CIMIP2C: variants seen among roughly 807,000 people sequenced by gnomAD.
The protein encoded by CIMIP2C is UPF0573 protein C2orf70.
At chr2:26,572,831 G>A in the CIMIP2C span, among the ~76,000 whole-genome samples, 1 of 151,964 alleles carries the variant, frequency 6.6e-6, no homozygotes, top group Non-Finnish European at 1.5e-5. Flanking sequence ...GGAGAGGTGG[G>A]CCACAGGCTG....
chr2:26,579,372 A>C, the CIMIP2C span: 177 of 1,613,736 alleles, frequency 1.1e-4, no homozygotes, highest in Non-Finnish European at 1.4e-4. Flanking sequence ...AGACCTTCCC[A>C]TCAGGGAAGA....
chr2:26,574,837 T>C, the CIMIP2C span, among the ~76,000 whole-genome samples: 8 of 152,298 alleles, frequency 5.3e-5, no homozygotes, highest in African/African-American at 1.9e-4. Context: ...AGACAGAGCA[T>C]GTCCACCGAC....
At chr2:26,579,152 G>A in the CIMIP2C span, 1 of 881,348 alleles carries the variant, frequency 1.1e-6, no homozygotes, top group East Asian at 2.5e-5. Flanking sequence ...CCCAAGTCCA[G>A]GGGGACTTAT....
chr2:26,572,150 TAGTA>T, the CIMIP2C span: 3 of 1,543,440 alleles, frequency 1.9e-6, no homozygotes, highest in Middle Eastern at 1.7e-4. Flanking sequence ...AAGAGATTCT[TAGTA>T]AGTGCACCCC....
the CIMIP2C span, chr2:26,575,754 G>A: frequency 1.1e-4 from 101 of 881,112 alleles, no homozygotes; most frequent in Non-Finnish European, 7.6e-5. Context: ...GAACTCCTGG[G>A]CTCAGGTGTT....
At chr2:26,574,699 G>A in the CIMIP2C span, among the ~76,000 whole-genome samples, 1 of 152,224 alleles carries the variant, frequency 6.6e-6, no homozygotes, top group Non-Finnish European at 1.5e-5. Flanking sequence ...AGAGGAGAAG[G>A]CTCATGAAGG....
chr2:26,570,345 G>A, the CIMIP2C span, among the ~76,000 whole-genome samples: 5 of 152,218 alleles, frequency 3.3e-5, no homozygotes, highest in South Asian at 4.1e-4. Flanking sequence ...TCAGAGCCAC[G>A]CTCCTCTTAA....
chr2:26,574,520 G>C, the CIMIP2C span, among the ~76,000 whole-genome samples: 3 of 152,208 alleles, frequency 2.0e-5, no homozygotes, highest in Admixed American at 6.5e-5. Context: ...AGACATCCAA[G>C]GGATATGTCT....
chr2:26,568,936 G>A, the CIMIP2C span, among the ~76,000 whole-genome samples: 37 of 151,422 alleles, frequency 2.4e-4, no homozygotes, highest in African/African-American at 7.8e-4. Flanking sequence ...CAGGAGAATC[G>A]CTTGAACCCG....
the CIMIP2C span, among the ~76,000 whole-genome samples, chr2:26,568,077 GC>G: frequency 1.3e-4 from 20 of 152,292 alleles, no homozygotes; most frequent in South Asian, 4.1e-3. Context: ...GGCACAGCAG[GC>G]ACTACTTTCG....
chr2:26,573,785 G>T, the CIMIP2C span, among the ~76,000 whole-genome samples: 2 of 152,320 alleles, frequency 1.3e-5, no homozygotes, highest in African/African-American at 4.8e-5. Flanking sequence ...GAGGCTGGAG[G>T]GGGTGCCTGT....
the CIMIP2C span, among the ~76,000 whole-genome samples, chr2:26,566,528 A>C: frequency 6.6e-6 from 1 of 152,222 alleles, no homozygotes; most frequent in Non-Finnish European, 1.5e-5. Context: ...ACTCTCACCA[A>C]AGCTGATTTC....
chr2:26,562,591 T>A, the CIMIP2C span: 1 of 1,560,276 alleles, frequency 6.4e-7, no homozygotes, highest in Middle Eastern at 1.7e-4. Context: ...AGCGCCAGGC[T>A]CGCTGTACTC....
chr2:26,576,024 A>G, the CIMIP2C span: 1 of 1,614,054 alleles, frequency 6.2e-7, no homozygotes, highest in Non-Finnish European at 8.5e-7. Context: ...CCCTTCAGCC[A>G]AGGCGGCCAT....
the CIMIP2C span, chr2:26,572,257 C>CTAGTTACAGA: frequency 9.0e-7 from 1 of 1,112,216 alleles, no homozygotes. Context: ...CTGTAACTAG[C>CTAGTTACAGA]ATTCACCTAG....
chr2:26,562,976 G>C, the CIMIP2C span: 2 of 456,766 alleles, frequency 4.4e-6, no homozygotes, highest in South Asian at 3.1e-5. Flanking sequence ...CGGGGAAGGG[G>C]GAGGAGATGG....
At chr2:26,572,609 T>A in the CIMIP2C span, among the ~76,000 whole-genome samples, 3 of 152,218 alleles carry the variant, frequency 2.0e-5, no homozygotes, top group African/African-American at 7.2e-5. Context: ...CACCTGGAGA[T>A]GAGCATCTCT....
At chr2:26,568,453 C>T in the CIMIP2C span, among the ~76,000 whole-genome samples, 1 of 152,244 alleles carries the variant, frequency 6.6e-6, no homozygotes, top group Non-Finnish European at 1.5e-5. Flanking sequence ...ACTGGTGCCT[C>T]TCTACCTTGA....
the CIMIP2C span, chr2:26,562,714 T>G: frequency 1.3e-6 from 2 of 1,541,276 alleles, no homozygotes; most frequent in Non-Finnish European, 1.8e-6. Context: ...CCTCCTCCCC[T>G]CCCCCTTCCA....
Sources: gnomAD v4.1 joint callset for allele counts (sites outside exome capture counted in the v4.1 genomes callset) on GRCh38, gnomAD v4.1.1 for gene constraint, MANE v1.5 for transcripts, NCBI Gene and HGNC (gene_info 2026-07-23, HGNC 2026-07-21) for gene names.